HABP4: variants seen among roughly 807,000 people sequenced by gnomAD.
HABP4 encodes the protein hyaluronan binding protein 4.
Under a neutral mutation model 44.1 loss-of-function variants are expected in HABP4, and 32 were observed. The observed-to-expected ratio is 0.73, with a 90% CI of 0.55 to 0.97. The LOEUF (loss-of-function observed/expected upper bound fraction) is 0.97, where lower values mean the gene tolerates loss of function less well. Ranked by LOEUF, HABP4 falls within the 50% of genes least tolerant of loss-of-function variation. HABP4 has a pLI of 0.00. For missense variants in HABP4, 503 were observed against 561.9 expected (o/e 0.90, Z 1.06); for synonymous variants, 216 against 218.0 (o/e 0.99, Z 0.08).
At chr9:96,479,436 T>A (rs1392034629) in intron 5 of HABP4, among the ~76,000 whole-genome samples, 2 of 152,214 alleles carry the variant, frequency 1.3e-5, no homozygotes, top group African/African-American at 4.8e-5. Context: ...TTTTAGAGAT[T>A]GAATTTTAAT....
At position 96,460,507 on chromosome 9, in the gene HABP4, C is replaced by T. The variant is rs573440723; in HGVS notation, c.512+1966C>T. On this transcript the variant is annotated intron_variant, in intron 2 of 7. Coordinates refer to ENST00000375249, the MANE Select transcript of HABP4 (RefSeq NM_014282.4). ...TACTGTTACCTAATTCTCTAAATTA[C>T]GGAGTCTACAGACTTTACTCAGATT... is the stretch of plus-strand genomic sequence containing the variant. Among the ~76,000 whole-genome samples, 10 of 152,320 alleles carry T rather than the reference C, an allele frequency of 6.6e-5. No individual in the cohort carries two copies. In the East Asian group the frequency reaches 1.3e-3, roughly 21 times the overall value.
At chr9:96,461,590 G>T (rs998231417) in intron 2 of HABP4, among the ~76,000 whole-genome samples, 2 of 152,148 alleles carry the variant, frequency 1.3e-5, no homozygotes, top group South Asian at 4.2e-4. Context: ...CATTGCTTCC[G>T]TGGGAAAACA....
intron 5 of HABP4, among the ~76,000 whole-genome samples, chr9:96,477,661 A>C (rs1587685255): frequency 6.6e-6 from 1 of 152,224 alleles, no homozygotes; most frequent in East Asian, 1.9e-4. Context: ...TGAAATATAC[A>C]TGTCAATTGG....
intron 4 of HABP4, among the ~76,000 whole-genome samples, chr9:96,469,929 A>G (rs777403191): frequency 6.6e-6 from 1 of 152,206 alleles, no homozygotes; most frequent in Non-Finnish European, 1.5e-5. Flanking sequence ...CTGTAGGCAC[A>G]ATATTTTATA....
At chr9:96,467,527 CTT>C (rs566272718) in intron 4 of HABP4, among the ~76,000 whole-genome samples, 7 of 118,112 alleles carry the variant, frequency 5.9e-5, no homozygotes, top group Non-Finnish European at 1.1e-4. Context: ...TCTTTTTTTC[CTT>C]TTTTTTTTTT....
At chr9:96,484,232 C>A in intron 5 of HABP4, 1 of 390,454 alleles carries the variant, frequency 2.6e-6, no homozygotes, top group Non-Finnish European at 4.6e-6. Context: ...TCCCATTTTT[C>A]AAAGATTGAT....
At chr9:96,460,501 A>G (rs1832482575) in intron 2 of HABP4, among the ~76,000 whole-genome samples, 1 of 152,234 alleles carries the variant, frequency 6.6e-6, no homozygotes. Context: ...CTAATTCTCT[A>G]AATTACGGAG....
At chr9:96,485,356 G>C (rs1357606478) in intron 6 of HABP4, among the ~76,000 whole-genome samples, 1 of 152,234 alleles carries the variant, frequency 6.6e-6, no homozygotes, top group East Asian at 1.9e-4. Context: ...TGGCCGAGTA[G>C]TTGATGACTT....
At chr9:96,472,868 G>C (rs1832720593) in intron 5 of HABP4, among the ~76,000 whole-genome samples, 1 of 152,230 alleles carries the variant, frequency 6.6e-6, no homozygotes, top group Non-Finnish European at 1.5e-5. Flanking sequence ...CATGTCTCCA[G>C]ATCTAATGGA....
At chr9:96,482,382 A>G (rs367938771) in intron 5 of HABP4, among the ~76,000 whole-genome samples, 60 of 152,276 alleles carry the variant, frequency 3.9e-4, no homozygotes, top group African/African-American at 1.4e-3. Flanking sequence ...GAATCGTTCA[A>G]TGTTCCTTTT....
At chr9:96,464,807 G>A (rs1832570290) in intron 2 of HABP4, among the ~76,000 whole-genome samples, 1 of 152,152 alleles carries the variant, frequency 6.6e-6, no homozygotes, top group South Asian at 2.1e-4. Flanking sequence ...AGTTCCAAAT[G>A]TTACCGGCTG....
At chr9:96,462,417 C>T (rs1308373915) in intron 2 of HABP4, among the ~76,000 whole-genome samples, 1 of 151,876 alleles carries the variant, frequency 6.6e-6, no homozygotes, top group South Asian at 2.1e-4. Context: ...TGCCACGTCA[C>T]TCCAGCCTGT....
intron 2 of HABP4, among the ~76,000 whole-genome samples, chr9:96,461,087 A>G (rs988303570): frequency 2.0e-5 from 3 of 152,218 alleles, no homozygotes; most frequent in African/African-American, 7.2e-5. Flanking sequence ...ACAAGTGGGA[A>G]GCCTGAAGCC....
At chr9:96,455,277 C>T (rs1362771713) in intron 1 of HABP4, among the ~76,000 whole-genome samples, 1 of 151,136 alleles carries the variant, frequency 6.6e-6, no homozygotes, top group African/African-American at 2.4e-5. Context: ...ATGGTGAAAC[C>T]CTGTCTGTAG....
At chr9:96,474,610 A>G (rs1337548520) in intron 5 of HABP4, among the ~76,000 whole-genome samples, 1 of 152,202 alleles carries the variant, frequency 6.6e-6, no homozygotes, top group Non-Finnish European at 1.5e-5. Flanking sequence ...CAATGCAGGT[A>G]TTGAGTGACC....
intron 5 of HABP4, among the ~76,000 whole-genome samples, chr9:96,478,539 T>C (rs1328002112): frequency 6.6e-6 from 1 of 152,208 alleles, no homozygotes; most frequent in East Asian, 1.9e-4. Flanking sequence ...TATTTCACTT[T>C]GTAAGAAGCT....
At position 96,465,696 on chromosome 9, in the gene HABP4, C is replaced by T; in HGVS notation, c.675-14C>T. The T allele has an allele frequency of 6.4e-7, 1 of 1,568,372 alleles. No individual in the cohort carries two copies. The highest frequency in any genetic ancestry group is 8.8e-7 in the Non-Finnish European group (1 of 1,138,474). The stretch of plus-strand genomic sequence containing the variant: ...CTAGCTTCTGGTTTAAGGGACTATT[C>T]TTTCTTTCCGTAGAGCAGTCAGAAC... On this transcript the variant is annotated splice_polypyrimidine_tract_variant and intron_variant, in intron 3 of 7. Coordinates refer to ENST00000375249, the MANE Select transcript of HABP4 (RefSeq NM_014282.4).
chr9:96,453,317 G>A (rs1832319942), intron 1 of HABP4, among the ~76,000 whole-genome samples: 2 of 151,958 alleles, frequency 1.3e-5, no homozygotes, highest in Admixed American at 1.3e-4. Context: ...CTCATGATCT[G>A]CTTGCCTTGG....
rs1397313565 is a variant in HABP4, at chr9:96,490,279, A to C, written c.*241A>C. The C allele has an allele frequency of 2.3e-5, 13 of 560,360 alleles. No individual in the cohort carries two copies. Among genetic ancestry groups the C allele is most frequent in the African/African-American group, 3.8e-5 (2 of 53,060 alleles). The allele number at this position is 560,360 out of a possible 1,614,324, so 34.7% of individuals were successfully genotyped here. A position where few individuals can be genotyped will look rare whatever the true frequency, so the allele number is the denominator to read the frequency against. On this transcript the variant is annotated 3_prime_UTR_variant, in exon 8 of 8. Coordinates refer to ENST00000375249, the MANE Select transcript of HABP4 (RefSeq NM_014282.4). ...TTTTTATTGAAGGAATTTCAAATGAAGAATAATGTTTAAAATGTGTATATA... is the reference window on the plus strand; with the variant it reads ...TTTTTATTGAAGGAATTTCAAATGACGAATAATGTTTAAAATGTGTATATA...
Sources: allele counts gnomAD v4.1 joint callset (sites outside exome capture counted in the v4.1 genomes callset), GRCh38; gene constraint gnomAD v4.1.1; transcripts MANE v1.5; gene names NCBI Gene and HGNC (gene_info 2026-07-23, HGNC 2026-07-21).